NXPE2: variants seen among roughly 807,000 people sequenced by gnomAD.
The protein encoded by NXPE2 is NXPE family member 2.
In NXPE2, 34 loss-of-function variants were observed where a neutral mutation model predicts 34.4. The observed-to-expected ratio is 0.99, with a 90% CI of 0.75 to 1.31. The LOEUF (loss-of-function observed/expected upper bound fraction) is 1.31, where lower values mean the gene tolerates loss of function less well. NXPE2 is among the 40% of genes most tolerant of loss of function. NXPE2 has a pLI of 0.00. For synonymous variants in NXPE2, 235 were observed against 231.3 expected (o/e 1.02, Z -0.15); for missense variants, 649 against 672.5 (o/e 0.97, Z 0.39).
At chr11:114,697,919 T>G in intron 2 of NXPE2, 126 bp from the exon 3 acceptor site, 1 of 914,260 alleles carries the variant, frequency 1.1e-6, no homozygotes, top group Non-Finnish European at 1.5e-6. Flanking sequence ...TGAAAACCAG[T>G]TAGTATCGAT....
At chr11:114,566,569 C>T in the NXPE2 span, among the ~76,000 whole-genome samples, 3 of 152,120 alleles carry the variant, frequency 2.0e-5, no homozygotes, top group Admixed American at 1.3e-4. Context: ...ATAAACCCAA[C>T]TGGAATGTGT....
the NXPE2 span, among the ~76,000 whole-genome samples, chr11:114,613,509 A>G: frequency 6.6e-6 from 1 of 151,902 alleles, no homozygotes; most frequent in Non-Finnish European, 1.5e-5. Context: ...CCCAGTGGAT[A>G]ATAAGTATTG....
chr11:114,670,456 G>A, the NXPE2 span, among the ~76,000 whole-genome samples: 1 of 151,966 alleles, frequency 6.6e-6, no homozygotes, highest in African/African-American at 2.4e-5. Context: ...GCACTGAAGT[G>A]GCCCTTGTGG....
At chr11:114,651,096 C>T in the NXPE2 span, among the ~76,000 whole-genome samples, 1 of 144,118 alleles carries the variant, frequency 6.9e-6, no homozygotes, top group Non-Finnish European at 1.6e-5. Flanking sequence ...TACAATATTA[C>T]ATATATTATA....
chr11:114,533,851 C>T, the NXPE2 span, among the ~76,000 whole-genome samples: 1 of 152,260 alleles, frequency 6.6e-6, no homozygotes, highest in Non-Finnish European at 1.5e-5. Context: ...TAGGCTCCAC[C>T]TCTGGGGGCA....
At chr11:114,473,800 A>G in the NXPE2 span, among the ~76,000 whole-genome samples, 6 of 152,322 alleles carry the variant, frequency 3.9e-5, no homozygotes, top group East Asian at 9.6e-4. Flanking sequence ...CTGGTTTTCA[A>G]TTTCAGTCCT....
At chr11:114,549,725 G>T in the NXPE2 span, among the ~76,000 whole-genome samples, 2 of 152,058 alleles carry the variant, frequency 1.3e-5, no homozygotes, top group Non-Finnish European at 2.9e-5. Flanking sequence ...GGAGGTGTTA[G>T]CTAATGCAGT....
the NXPE2 span, among the ~76,000 whole-genome samples, chr11:114,773,796 TTC>T: frequency 6.6e-6 from 1 of 152,236 alleles, no homozygotes; most frequent in Non-Finnish European, 1.5e-5. Flanking sequence ...GGAGAATTTC[TTC>T]TCTCTGCCTG....
chr11:114,662,472 G>C, the NXPE2 span, among the ~76,000 whole-genome samples: 2 of 152,166 alleles, frequency 1.3e-5, no homozygotes, highest in African/African-American at 4.8e-5. Context: ...TAGGCCACAA[G>C]GACTGCAACT....
chr11:114,578,568 C>T, the NXPE2 span, among the ~76,000 whole-genome samples: 1 of 152,140 alleles, frequency 6.6e-6, no homozygotes, highest in Non-Finnish European at 1.5e-5. Flanking sequence ...TAACTTAGAA[C>T]TAAGGCCCTA....
At chr11:114,748,012 C>T in the NXPE2 span, among the ~76,000 whole-genome samples, 30 of 152,290 alleles carry the variant, frequency 2.0e-4, no homozygotes, top group Admixed American at 5.2e-4. Context: ...TCTCCACTTT[C>T]GTGAGATCAC....
the NXPE2 span, among the ~76,000 whole-genome samples, chr11:114,646,001 T>G: frequency 6.6e-6 from 1 of 152,136 alleles, no homozygotes; most frequent in Admixed American, 6.6e-5. Context: ...ATCTATTGGT[T>G]AGTACTTCAG....
chr11:114,768,245 C>G, the NXPE2 span, among the ~76,000 whole-genome samples: 1 of 152,070 alleles, frequency 6.6e-6, no homozygotes, highest in African/African-American at 2.4e-5. Flanking sequence ...ATTTCTGAGG[C>G]CTCTGTACTG....
At chr11:114,533,211 G>A in the NXPE2 span, among the ~76,000 whole-genome samples, 1 of 152,138 alleles carries the variant, frequency 6.6e-6, no homozygotes, top group East Asian at 1.9e-4. Flanking sequence ...ACCAGAGTTA[G>A]CAAATTATTA....
the NXPE2 span, among the ~76,000 whole-genome samples, chr11:114,627,098 G>A: frequency 6.6e-6 from 1 of 152,156 alleles, no homozygotes; most frequent in South Asian, 2.1e-4. Context: ...ACACTCTGCA[G>A]GATATTATCC....
chr11:114,537,028 G>T, the NXPE2 span, among the ~76,000 whole-genome samples: 63 of 151,948 alleles, frequency 4.1e-4, 1 homozygote, highest in South Asian at 1.7e-3. Flanking sequence ...GCAAAAATCC[G>T]CAATAAAATA....
chr11:114,697,905 T>C (rs1951289100), intron 2 of NXPE2, 140 bp from the exon 3 acceptor site: 1 of 829,776 alleles, frequency 1.2e-6, no homozygotes, highest in African/African-American at 1.7e-5. Context: ...GAAGATTCCA[T>C]AACTGAAAAC....
chr11:114,536,470 CA>C, the NXPE2 span, among the ~76,000 whole-genome samples: 3 of 151,918 alleles, frequency 2.0e-5, no homozygotes, highest in African/African-American at 4.8e-5. Context: ...AAAAACCCTT[CA>C]AAAAAATCAA....
chr11:114,716,519 G>A, the NXPE2 span, among the ~76,000 whole-genome samples: 1 of 152,146 alleles, frequency 6.6e-6, no homozygotes, highest in Non-Finnish European at 1.5e-5. Flanking sequence ...ATATTTATAT[G>A]TGCTTCTGGC....
Sources: allele counts gnomAD v4.1 joint callset (sites outside exome capture counted in the v4.1 genomes callset), GRCh38; gene constraint gnomAD v4.1.1; transcripts MANE v1.5; gene names NCBI Gene and HGNC (gene_info 2026-07-23, HGNC 2026-07-21).